PXMP4: variants seen among roughly 807,000 people sequenced by gnomAD.
PXMP4 encodes 24 kDa peroxisomal intrinsic membrane protein.
A neutral mutation model predicts 21.6 loss-of-function variants in PXMP4; 16 were observed. The ratio of observed to expected loss-of-function variants is 0.74; its 90% CI spans 0.50 to 1.13. The LOEUF (loss-of-function observed/expected upper bound fraction) is 1.13. Among genes scored for constraint, PXMP4 ranks in the 50% most tolerant of loss-of-function variants. The probability of loss-of-function intolerance (pLI) is 0.00; values close to 1 mark genes in which losing one functional copy is unlikely to be tolerated. For synonymous variants in PXMP4, 127 were observed against 123.8 expected, an observed-to-expected ratio of 1.03 and a Z score of -0.17; for missense variants, 240 against 277.7, an observed-to-expected ratio of 0.86 and a Z score of 0.96.
At position 33,710,577 on chromosome 20, in the gene PXMP4, T is replaced by C; in HGVS notation, c.353A>G (p.Glu118Gly). ...TACCTGGCTGTTGATGTTATTGTTT[T>C]CTCCAAACACCAGGATACCCCCGAG... The part of the protein sequence containing the change: ...AFLGGILVFG[E>G]NNNINSQINM... Residue 118 changes from glutamate (E) to glycine (G), a missense_variant, in exon 3 of 4, where the codon GAA (glutamate) becomes GGA (glycine). Coordinates refer to ENST00000409299, the MANE Select transcript of PXMP4 (RefSeq NM_007238.5). The C allele has an allele frequency of 2.5e-6, 4 of 1,612,014 alleles. No individual in the cohort carries two copies. Among genetic ancestry groups the C allele is most frequent in the Non-Finnish European group, 3.4e-6 (4 of 1,179,204 alleles).
rs2018273917 is a variant in PXMP4 at position 33,707,741 on chromosome 20, A to T, written c.604T>A (p.Phe202Ile). ...DSNVWHDISD[F>I]LVYNKSRPSN ...GGACGGCTCTTGTTATAGACGAGGA[A>T]GTCTGAGATGTCGTGCCATACATTG... The change falls in exon 4 of 4, where the codon TTC becomes ATC. Residue 202 changes from phenylalanine to isoleucine, a missense_variant. Physicochemically the swap from Phe to Ile is conservative, Grantham distance 21 (BLOSUM62 0). Transcript: ENST00000409299. The T allele has an allele frequency of 6.2e-7, 1 of 1,614,156 alleles. No individual in the cohort carries two copies. Among genetic ancestry groups the T allele is most frequent in the East Asian group, 2.2e-5 (1 of 44,882 alleles).
At position 33,702,964 on chromosome 20, in the gene PXMP4, G is replaced by A. The variant is rs1233019998; in HGVS notation, c.*4742C>T. ...AGGGCAGCTAGGAAGGAGCCAAATG[G>A]GACTCCTCTCAGATCTGCTGGAAGG... On this transcript the variant is annotated 3_prime_UTR_variant, in exon 4 of 4. Transcript: ENST00000409299. 3.9e-5 allele frequency: 6 copies of A among 152,176 alleles called. No individual in the cohort carries two copies. The highest frequency in any genetic ancestry group is 8.8e-5 in the Non-Finnish European group (6 of 68,056). The allele number at this position is 152,176 out of a possible 1,614,324, so 9.4% of individuals were successfully genotyped here.
At chr20:33,709,335 T>G (rs567224402) in intron 3 of PXMP4, among the ~76,000 whole-genome samples, 1 of 152,316 alleles carries the variant, frequency 6.6e-6, no homozygotes, top group Non-Finnish European at 1.5e-5. Context: ...GACTAGCTTT[T>G]AGTCTCTTAT....
rs779819950 is a variant in PXMP4 at position 33,720,237 on chromosome 20, G to C, written c.-30C>G. ...CGGGCTGCGCGCAGGGTCGGGGTTA[G>C]GAACTGTAAGCGCACTGACAGCCGG... On this transcript the variant is annotated 5_prime_UTR_variant, in exon 1 of 4. Transcript: ENST00000409299. 6.3e-7 allele frequency: 1 copy of C among 1,580,124 alleles called. No homozygotes were observed. The highest frequency in any genetic ancestry group is 8.6e-7 in the Non-Finnish European group (1 of 1,160,542).
chr20:33,717,566 G>C (rs913488078), intron 1 of PXMP4, among the ~76,000 whole-genome samples: 3 of 146,380 alleles, frequency 2.0e-5, no homozygotes, highest in Non-Finnish European at 4.5e-5. Flanking sequence ...CGTGAACCCG[G>C]GAGGCGGAGC....
rs1200182548 is a variant in PXMP4, at chr20:33,705,670, C to G, written c.*2036G>C. On this transcript the variant is annotated 3_prime_UTR_variant, in exon 4 of 4. Coordinates refer to ENST00000409299, the MANE Select transcript of PXMP4 (RefSeq NM_007238.5). The stretch of plus-strand genomic sequence containing the variant: ...TCTCCAGTTCCCTATGTCCCCATCA[C>G]TCCTCATCGCATAGCACTATGTCAT... 6.6e-6 allele frequency: 1 copy of G among 151,990 alleles called. No individual in the cohort carries two copies. Among genetic ancestry groups the G allele is most frequent in the African/African-American group, 2.4e-5 (1 of 41,382 alleles). The allele number at this position is 151,990 out of a possible 1,614,324, so 9.4% of individuals were successfully genotyped here.
chr20:33,719,620 C>T (rs1161920778), intron 1 of PXMP4, among the ~76,000 whole-genome samples: 4 of 152,134 alleles, frequency 2.6e-5, no homozygotes, highest in African/African-American at 9.7e-5. Context: ...CTGAGCCGAA[C>T]GGGACTTAGC....
chr20:33,713,212 C>A (rs1403520272), intron 2 of PXMP4, among the ~76,000 whole-genome samples: 1 of 152,182 alleles, frequency 6.6e-6, no homozygotes, highest in Non-Finnish European at 1.5e-5. Flanking sequence ...CAACCCAGGT[C>A]AAGCTGTGAC....
intron 2 of PXMP4, 74 bp downstream of exon 2, chr20:33,714,600 C>T (rs1341968337): frequency 7.0e-6 from 10 of 1,435,892 alleles, no homozygotes; most frequent in Non-Finnish European, 9.8e-6. Context: ...AGGGTAGACC[C>T]AGCTAAGAAG....
At position 33,707,532 on chromosome 20, in the gene PXMP4, A is replaced by T; in HGVS notation, c.*174T>A. 1.1e-6 allele frequency: 1 copy of T among 949,366 alleles called. No individual in the cohort carries two copies. Among genetic ancestry groups the T allele is most frequent in the Non-Finnish European group, 1.5e-6 (1 of 656,596 alleles). The allele number at this position is 949,366 out of a possible 1,614,324, so 58.8% of individuals were successfully genotyped here. A position where few individuals can be genotyped will look rare whatever the true frequency, so the allele number is the denominator to read the frequency against. On this transcript the variant is annotated 3_prime_UTR_variant, in exon 4 of 4. Transcript: ENST00000409299. ...TCAGCCTGATTCGGCCACTTGTGCC[A>T]CCATACAAAGGTACCCACTGGGATT... is the stretch of plus-strand genomic sequence containing the variant.
chr20:33,709,560 G>A (rs777779498), intron 3 of PXMP4, among the ~76,000 whole-genome samples: 1 of 152,068 alleles, frequency 6.6e-6, no homozygotes, highest in Non-Finnish European at 1.5e-5. Flanking sequence ...TGAAATTACA[G>A]ATGGAAAAAC....
chr20:33,714,550 C>CA (rs1287802316), intron 2 of PXMP4, 124 bp downstream of exon 2: 27 of 1,009,390 alleles, frequency 2.7e-5, no homozygotes, highest in Non-Finnish European at 3.7e-5. Context: ...CAAAACACAA[C>CA]AAAAAAAGAG....
At chr20:33,719,254 G>A (rs2018420697) in intron 1 of PXMP4, among the ~76,000 whole-genome samples, 1 of 152,148 alleles carries the variant, frequency 6.6e-6, no homozygotes, top group Non-Finnish European at 1.5e-5. Flanking sequence ...CTAGTACCAT[G>A]CCCATTTTAC....
intron 2 of PXMP4, among the ~76,000 whole-genome samples, chr20:33,712,972 G>A (rs574606238): frequency 6.6e-6 from 1 of 152,150 alleles, no homozygotes; most frequent in South Asian, 2.1e-4. Context: ...TGCCATGTTG[G>A]CCAGACTGGT....
At chr20:33,717,659 T>TA (rs1491133542) in intron 1 of PXMP4, among the ~76,000 whole-genome samples, 5 of 65,678 alleles carry the variant, frequency 7.6e-5, no homozygotes, top group African/African-American at 3.5e-4. Flanking sequence ...AAAAAAAAAA[T>TA]TATTAAATAT....
chr20:33,711,688 A>G (rs542211491), intron 2 of PXMP4, among the ~76,000 whole-genome samples: 1 of 152,086 alleles, frequency 6.6e-6, no homozygotes, highest in Non-Finnish European at 1.5e-5. Flanking sequence ...CTCTACCTTA[A>G]AAAAAGAAAA....
intron 1 of PXMP4, among the ~76,000 whole-genome samples, chr20:33,716,295 A>G (rs1353929562): frequency 6.6e-6 from 1 of 151,834 alleles, no homozygotes; most frequent in Admixed American, 6.6e-5. Flanking sequence ...CACTGCTCCT[A>G]CCTCACCCCA....
chr20:33,714,799 T>C, intron 1 of PXMP4, 63 bp from the exon 2 acceptor site: 1 of 1,521,616 alleles, frequency 6.6e-7, no homozygotes, highest in Non-Finnish European at 9.1e-7. Context: ...TTTTGGGCTG[T>C]CCTTTTGACC....
chr20:33,715,350 A>T (rs2018372076), intron 1 of PXMP4, among the ~76,000 whole-genome samples: 1 of 151,016 alleles, frequency 6.6e-6, no homozygotes, highest in East Asian at 1.9e-4. Flanking sequence ...CATGTTGCCC[A>T]GGCTGGTCTG....
Sources: allele counts gnomAD v4.1 joint callset (sites outside exome capture counted in the v4.1 genomes callset), GRCh38; gene constraint gnomAD v4.1.1; transcripts MANE v1.5; gene names NCBI Gene and HGNC (gene_info 2026-07-23, HGNC 2026-07-21).